Variants in NTRK2 observed in about 807,000 individuals in gnomAD.
The protein encoded by NTRK2 is BDNF/NT-3 growth factors receptor.
In NTRK2, 13 loss-of-function variants were observed where a neutral mutation model predicts 94.5. That is an observed-to-expected ratio of 0.14 (90% CI 0.09 to 0.22). The LOEUF is 0.22. Among genes scored for constraint, NTRK2 ranks in the 10% least tolerant of loss-of-function variants. NTRK2 has a pLI of 1.00. For synonymous variants in NTRK2, 372 were observed against 407.4 expected, an observed-to-expected ratio of 0.91 and a Z score of 1.05; for missense variants, 639 against 1,071.2, an observed-to-expected ratio of 0.60 and a Z score of 5.63.
At chr9:84,854,441 G>T (rs905810340) in intron 12 of NTRK2, among the ~76,000 whole-genome samples, 1 of 152,084 alleles carries the variant, frequency 6.6e-6, no homozygotes, top group African/African-American at 2.4e-5. Flanking sequence ...GGTCTAAGTC[G>T]CTGGCTTCTT....
intron 17 of NTRK2, among the ~76,000 whole-genome samples, chr9:84,973,190 C>T (rs1826394502): frequency 6.6e-6 from 1 of 152,172 alleles, no homozygotes; most frequent in East Asian, 1.9e-4. Flanking sequence ...AAGCACAGCT[C>T]ACTGTGAATA....
Position 84,745,721 on chromosome 9 carries a change from T to C in NTRK2, c.1296+648T>C, listed in dbSNP as rs142797401. 1.3e-4 allele frequency among the ~76,000 whole-genome samples: 20 copies of C among 152,180 alleles called. 1 individual carries two copies. Among genetic ancestry groups the C allele is most frequent in the African/African-American group, 3.9e-4 (16 of 41,510 alleles). On this transcript the variant is annotated intron_variant, in intron 11 of 18. Transcript: ENST00000277120. ...ATACAGGAATGGAAGAGAAGGGCAT[T>C]TGGGGCATGTGAACAGGAGCTTGTA...
At chr9:85,018,173 G>A (rs1176185007) in intron 17 of NTRK2, among the ~76,000 whole-genome samples, 2 of 152,142 alleles carry the variant, frequency 1.3e-5, no homozygotes, top group African/African-American at 2.4e-5. Flanking sequence ...ATTGCCAGGA[G>A]CAATTTCATC....
intron 12 of NTRK2, among the ~76,000 whole-genome samples, chr9:84,850,487 A>G (rs942104558): frequency 4.6e-5 from 7 of 152,296 alleles, no homozygotes; most frequent in South Asian, 2.1e-4. Flanking sequence ...TCATGGGGCC[A>G]GGTAAAGATT....
At chr9:84,941,190 T>G (rs1436737574) in intron 15 of NTRK2, among the ~76,000 whole-genome samples, 3 of 152,192 alleles carry the variant, frequency 2.0e-5, no homozygotes, top group African/African-American at 4.8e-5. Flanking sequence ...CTATTGTTCT[T>G]TGGGTATGTA....
chr9:84,740,746 A>G (rs1267382948), intron 9 of NTRK2, among the ~76,000 whole-genome samples: 2 of 152,254 alleles, frequency 1.3e-5, no homozygotes, highest in East Asian at 3.8e-4. Context: ...CCCTGCTAAA[A>G]TAGATATTTT....
chr9:84,814,028 A>G (rs1157824909), intron 12 of NTRK2: 5 of 1,065,044 alleles, frequency 4.7e-6, no homozygotes, highest in Non-Finnish European at 5.7e-6. Context: ...ATCTCACAAC[A>G]GGAAAAACAA....
At chr9:84,711,653 G>A (rs532974418) in intron 6 of NTRK2, among the ~76,000 whole-genome samples, 3 of 152,332 alleles carry the variant, frequency 2.0e-5, no homozygotes, top group Admixed American at 2.0e-4. Context: ...TTGTGCACAA[G>A]GAATCTGTGT....
At chr9:84,933,077 G>A (rs1331082998) in intron 14 of NTRK2, among the ~76,000 whole-genome samples, 3 of 152,110 alleles carry the variant, frequency 2.0e-5, no homozygotes, top group Non-Finnish European at 4.4e-5. Flanking sequence ...TTATGTCATG[G>A]GATTGTGAGA....
chr9:84,961,653 G>C (rs1824945543), intron 17 of NTRK2, among the ~76,000 whole-genome samples: 1 of 152,218 alleles, frequency 6.6e-6, no homozygotes, highest in Admixed American at 6.5e-5. Context: ...CAACTACTAT[G>C]TGCTAGATGC....
At chr9:84,675,611 A>T (rs1225517830) in intron 2 of NTRK2, among the ~76,000 whole-genome samples, 3 of 151,924 alleles carry the variant, frequency 2.0e-5, no homozygotes, top group Non-Finnish European at 4.4e-5. Context: ...TGGGGGAGAG[A>T]CTATTGAAGC....
intron 12 of NTRK2, among the ~76,000 whole-genome samples, chr9:84,779,516 C>A (rs2067360684): frequency 6.6e-6 from 1 of 152,070 alleles, no homozygotes; most frequent in Non-Finnish European, 1.5e-5. Flanking sequence ...ATTGTCTGTC[C>A]CAAATTTTTG....
chr9:84,912,565 G>T, intron 14 of NTRK2, among the ~76,000 whole-genome samples: 1 of 137,154 alleles, frequency 7.3e-6, no homozygotes, highest in African/African-American at 2.7e-5. Context: ...CCTTTGCTTT[G>T]ATTAATGTTT....
chr9:85,013,729 G>A (rs990167261), intron 17 of NTRK2, among the ~76,000 whole-genome samples: 1 of 152,222 alleles, frequency 6.6e-6, no homozygotes, highest in Non-Finnish European at 1.5e-5. Flanking sequence ...GGTGTGATGA[G>A]GAGGTCTAGG....
intron 6 of NTRK2, 32 bp from the exon 7 acceptor site, chr9:84,723,541 A>T (rs116073857): frequency 1.2e-6 from 2 of 1,613,378 alleles, no homozygotes; most frequent in African/African-American, 1.3e-5. Context: ...AACTATTTGC[A>T]TATGCCTCTG....
chr9:84,869,191 AT>A (rs1432838078), intron 14 of NTRK2, among the ~76,000 whole-genome samples: 2 of 152,078 alleles, frequency 1.3e-5, no homozygotes, highest in Non-Finnish European at 2.9e-5. Flanking sequence ...GTCTGTGGAG[AT>A]TTTTTGCAAA....
intron 12 of NTRK2, among the ~76,000 whole-genome samples, chr9:84,856,773 T>C (rs2075086149): frequency 6.6e-6 from 1 of 152,152 alleles, no homozygotes; most frequent in Non-Finnish European, 1.5e-5. Context: ...GGGTGGTGAG[T>C]CTTACCTTAA....
intron 6 of NTRK2, among the ~76,000 whole-genome samples, chr9:84,713,059 C>T (rs2061509911): frequency 6.6e-6 from 1 of 152,134 alleles, no homozygotes. Flanking sequence ...TTTATGCCCA[C>T]CCTAACAAGG....
At chr9:84,902,399 G>A (rs1337298203) in intron 14 of NTRK2, among the ~76,000 whole-genome samples, 1 of 152,078 alleles carries the variant, frequency 6.6e-6, no homozygotes, top group Non-Finnish European at 1.5e-5. Context: ...GTGTGCATCT[G>A]TATTTGTTTC....
Sources: allele counts gnomAD v4.1 joint callset (sites outside exome capture counted in the v4.1 genomes callset), GRCh38; gene constraint gnomAD v4.1.1; transcripts MANE v1.5; gene names NCBI Gene and HGNC (gene_info 2026-07-23, HGNC 2026-07-21).